Variants in DPYD observed in about 807,000 individuals in gnomAD.
DPYD encodes dihydropyrimidine dehydrogenase, also known as dihydropyrimidine dehydrogenase [NADP(+)].
A neutral mutation model predicts 116.2 loss-of-function variants in DPYD; 109 were observed. That is an observed-to-expected ratio of 0.94 (90% CI 0.80 to 1.10). The LOEUF (loss-of-function observed/expected upper bound fraction) is 1.10. Among genes scored for constraint, DPYD ranks in the 50% least tolerant of loss-of-function variants. The pLI is 0.00. For missense variants in DPYD, 1,302 were observed against 1,254.5 expected (o/e 1.04, Z -0.57); for synonymous variants, 440 against 432.0 (o/e 1.02, Z -0.23).
chr1:97,546,903 CA>C (rs1650913632), intron 12 of DPYD: 1 of 1,608,552 alleles, frequency 6.2e-7, no homozygotes, highest in Admixed American at 1.7e-5. Context: ...ACCAGGAGGA[CA>C]GTGAGGGCTT....
chr1:97,205,397 G>C (rs1248913536), intron 19 of DPYD, among the ~76,000 whole-genome samples: 1 of 150,540 alleles, frequency 6.6e-6, no homozygotes, highest in East Asian at 2.0e-4. Flanking sequence ...CCAATATGTC[G>C]TATAATTGAA....
intron 20 of DPYD, among the ~76,000 whole-genome samples, chr1:97,119,826 T>C (rs1652283056): frequency 6.6e-6 from 1 of 152,186 alleles, no homozygotes; most frequent in African/African-American, 2.4e-5. Context: ...TTTCAATTTA[T>C]TCGTGGTTAG....
intron 14 of DPYD, among the ~76,000 whole-genome samples, chr1:97,414,066 C>A (rs910178860): frequency 6.6e-5 from 10 of 151,878 alleles, no homozygotes; most frequent in Non-Finnish European, 1.5e-4. Context: ...GAAATAGCCA[C>A]CTATGAGACA....
At chr1:97,518,071 G>A (rs910724536) in intron 12 of DPYD, among the ~76,000 whole-genome samples, 3 of 151,890 alleles carry the variant, frequency 2.0e-5, no homozygotes, top group Admixed American at 2.0e-4. Context: ...AAATTCTTAC[G>A]AACATTGCTG....
chr1:97,200,025 A>G (rs563151489), intron 19 of DPYD, among the ~76,000 whole-genome samples: 1 of 152,340 alleles, frequency 6.6e-6, no homozygotes, highest in East Asian at 1.9e-4. Flanking sequence ...GATTAAAAAT[A>G]TTTATCCCAG....
chr1:97,304,149 C>A (rs532045720), intron 18 of DPYD, among the ~76,000 whole-genome samples: 2 of 152,104 alleles, frequency 1.3e-5, no homozygotes, highest in Non-Finnish European at 2.9e-5. Context: ...TTGCTGTCAA[C>A]ATGGCAGGCT....
At chr1:97,851,301 T>C (rs1378643219) in intron 2 of DPYD, among the ~76,000 whole-genome samples, 2 of 151,234 alleles carry the variant, frequency 1.3e-5, no homozygotes, top group South Asian at 2.1e-4. Context: ...AATACTCTTA[T>C]TCAAATAAGT....
chr1:97,252,744 T>A (rs1181847537), intron 18 of DPYD, among the ~76,000 whole-genome samples: 1 of 152,180 alleles, frequency 6.6e-6, no homozygotes, highest in Non-Finnish European at 1.5e-5. Flanking sequence ...CACTTTCAAA[T>A]TTTTTCAAGT....
Position 97,176,123 on chromosome 1 carries a change from T to C in DPYD, c.2622+16946A>G, listed in dbSNP as rs1657238492. Among the ~76,000 whole-genome samples, 5 of 152,280 alleles carry C rather than the reference T, an allele frequency of 3.3e-5. No homozygotes were observed. The South Asian group carries it at 1.0e-3, about 32-fold the overall frequency. On this transcript the variant is annotated intron_variant, in intron 20 of 22. Transcript: ENST00000370192. ...TGAAAATGTTTCAGCTTTCTTAGCA[T>C]CAACACTAGAAGAATTTAATTAACC...
chr1:97,400,564 G>T (rs533690476), intron 14 of DPYD, among the ~76,000 whole-genome samples: 1 of 152,096 alleles, frequency 6.6e-6, no homozygotes, highest in Admixed American at 6.6e-5. Context: ...ATTCAGCTGC[G>T]AATCCGTCTG....
intron 4 of DPYD, among the ~76,000 whole-genome samples, chr1:97,726,269 TA>T (rs1302967621): frequency 2.6e-5 from 4 of 151,716 alleles, no homozygotes; most frequent in African/African-American, 9.6e-5. Flanking sequence ...AACTAAATAG[TA>T]CTTAGTTGTT....
chr1:97,809,398 AC>A (rs1371170158), intron 3 of DPYD, among the ~76,000 whole-genome samples: 2 of 151,970 alleles, frequency 1.3e-5, no homozygotes, highest in Non-Finnish European at 2.9e-5. Context: ...CCCTCACCAC[AC>A]CTCCAGCCCA....
intron 1 of DPYD, among the ~76,000 whole-genome samples, chr1:97,887,550 G>A (rs537476156): frequency 1.2e-4 from 18 of 148,558 alleles, no homozygotes; most frequent in South Asian, 6.5e-4. Context: ...TTTAGTGTCC[G>A]GCAAGAATAG....
At chr1:97,824,860 C>T (rs1336450611) in intron 3 of DPYD, among the ~76,000 whole-genome samples, 2 of 152,188 alleles carry the variant, frequency 1.3e-5, no homozygotes, top group Admixed American at 6.5e-5. Context: ...TCTTGGAAAT[C>T]ATATGCCTTC....
intron 3 of DPYD, among the ~76,000 whole-genome samples, chr1:97,816,474 C>T (rs1474365544): frequency 5.9e-5 from 9 of 151,968 alleles, no homozygotes; most frequent in African/African-American, 1.4e-4. Context: ...TTTTTTCAAT[C>T]GGTAGCAGAT....
chr1:97,734,658 T>C (rs1337436473), intron 4 of DPYD, among the ~76,000 whole-genome samples: 1 of 152,124 alleles, frequency 6.6e-6, no homozygotes, highest in Admixed American at 6.5e-5. Context: ...ATTAAAATTA[T>C]AGGAAAATAG....
intron 13 of DPYD, among the ~76,000 whole-genome samples, chr1:97,512,578 A>C (rs1417632400): frequency 1.3e-5 from 2 of 151,896 alleles, no homozygotes; most frequent in Non-Finnish European, 2.9e-5. Flanking sequence ...TTATGGACAA[A>C]ATTAATGAAA....
At chr1:97,815,205 G>A (rs973117324) in intron 3 of DPYD, among the ~76,000 whole-genome samples, 1 of 152,168 alleles carries the variant, frequency 6.6e-6, no homozygotes. Context: ...GCTAAGTCAA[G>A]TGTCTCATTG....
chr1:97,331,751 G>T (rs570197765), intron 16 of DPYD, among the ~76,000 whole-genome samples: 1 of 152,232 alleles, frequency 6.6e-6, no homozygotes, highest in South Asian at 2.1e-4. Context: ...GTGTAGGGCA[G>T]CTTAAGAATA....
Sources: gnomAD v4.1 joint callset for allele counts (sites outside exome capture counted in the v4.1 genomes callset) on GRCh38, gnomAD v4.1.1 for gene constraint, MANE v1.5 for transcripts, NCBI Gene and HGNC (gene_info 2026-07-23, HGNC 2026-07-21) for gene names.